The following TMEM178B variants were observed in gnomAD, a reference collection of about 807,000 sequenced individuals.
The protein encoded by TMEM178B is transmembrane protein 178B.
TMEM178B carries 5 observed loss-of-function variants against 31.0 expected under a neutral mutation model. That is an observed-to-expected ratio of 0.16 (90% confidence interval 0.08 to 0.34). The LOEUF is 0.34. Among genes scored for constraint, TMEM178B ranks in the 10% least tolerant of loss-of-function variants. The pLI is 1.00. For missense variants in TMEM178B, 275 were observed against 400.3 expected (o/e 0.69, Z 2.67); for synonymous variants, 164 against 164.0 (o/e 1.00, Z 0.00).
chr7:141,249,030 T>C (rs1461729778), intron 2 of TMEM178B, among the ~76,000 whole-genome samples: 1 of 152,188 alleles, frequency 6.6e-6, no homozygotes, highest in Non-Finnish European at 1.5e-5. Context: ...CTGCAGATAA[T>C]GTGGGCTGTT....
At chr7:141,235,861 C>A (rs1458736320) in intron 2 of TMEM178B, among the ~76,000 whole-genome samples, 4 of 152,196 alleles carry the variant, frequency 2.6e-5, no homozygotes, top group Admixed American at 6.5e-5. Flanking sequence ...TTGAATCTTA[C>A]AATCTCCCCT....
chr7:141,384,627 T>A (rs918469039), intron 2 of TMEM178B, among the ~76,000 whole-genome samples: 12 of 152,244 alleles, frequency 7.9e-5, no homozygotes, highest in Non-Finnish European at 1.5e-4. Context: ...AGCCTTGCAG[T>A]ACAGTTTGAA....
chr7:141,302,733 TC>T (rs1458144823), intron 2 of TMEM178B, among the ~76,000 whole-genome samples: 2 of 152,180 alleles, frequency 1.3e-5, no homozygotes, highest in Non-Finnish European at 2.9e-5. Flanking sequence ...TCTACTACTG[TC>T]CCACTCCAGT....
intron 2 of TMEM178B, among the ~76,000 whole-genome samples, chr7:141,356,815 C>T (rs1799827658): frequency 6.6e-6 from 1 of 151,982 alleles, no homozygotes; most frequent in Non-Finnish European, 1.5e-5. Flanking sequence ...GCACTATGAC[C>T]TCATACCATC....
chr7:141,159,652 C>T (rs961345653), intron 1 of TMEM178B, among the ~76,000 whole-genome samples: 10 of 152,188 alleles, frequency 6.6e-5, no homozygotes, highest in Non-Finnish European at 1.3e-4. Context: ...CACGCTACAA[C>T]ACGGATGAAC....
intron 3 of TMEM178B, among the ~76,000 whole-genome samples, chr7:141,446,300 G>C (rs1181758): frequency 5.9e-5 from 9 of 152,070 alleles, no homozygotes; most frequent in Non-Finnish European, 8.8e-5. Flanking sequence ...GCCTTATCCA[G>C]ATGAATCCAA....
intron 2 of TMEM178B, among the ~76,000 whole-genome samples, chr7:141,230,022 C>T (rs1338569745): frequency 6.6e-6 from 1 of 152,108 alleles, no homozygotes; most frequent in African/African-American, 2.4e-5. Context: ...AGCATTTTCC[C>T]TTGTCATCAA....
chr7:141,112,680 C>T (rs1475435677), intron 1 of TMEM178B, among the ~76,000 whole-genome samples: 1 of 152,206 alleles, frequency 6.6e-6, no homozygotes, highest in Non-Finnish European at 1.5e-5. Flanking sequence ...TCCATCATCT[C>T]CAGGCATGTG....
intron 2 of TMEM178B, among the ~76,000 whole-genome samples, chr7:141,336,371 G>A (rs1799388077): frequency 6.6e-6 from 1 of 152,152 alleles, no homozygotes; most frequent in Non-Finnish European, 1.5e-5. Flanking sequence ...GACCAGGCGT[G>A]GGAAATGCTG....
At chr7:141,436,256 G>T (rs573800594) in intron 2 of TMEM178B, among the ~76,000 whole-genome samples, 19 of 152,290 alleles carry the variant, frequency 1.2e-4, no homozygotes, top group African/African-American at 4.6e-4. Context: ...GACCTGTGGG[G>T]TGTTTGTTTC....
In TMEM178B at chr7:141,463,691, G is replaced by GA. The variant is rs1217942794; in HGVS notation, c.635-6843dup. Reference sequence around the variant, plus strand: ...AACTGAGATCTGAGCAGAGCTGGAAGAAGGCCCTTCTGGGCATGGGAACAG... The same window carrying GA: ...AACTGAGATCTGAGCAGAGCTGGAAGAAAGGCCCTTCTGGGCATGGGAACAG... On this transcript the variant is annotated intron_variant, in intron 3 of 3. Coordinates refer to ENST00000565468, the MANE Select transcript of TMEM178B (RefSeq NM_001195278.2). 3.3e-5 allele frequency among the ~76,000 whole-genome samples: 5 copies of GA among 152,340 alleles called. No homozygotes were observed. The East Asian group carries it at 9.7e-4, about 30-fold the overall frequency.
intron 2 of TMEM178B, among the ~76,000 whole-genome samples, chr7:141,398,109 C>T (rs771642141): frequency 6.8e-4 from 103 of 152,130 alleles, no homozygotes; most frequent in Admixed American, 6.5e-4. Flanking sequence ...GTGTGTACAG[C>T]TCAACTTTCT....
intron 2 of TMEM178B, among the ~76,000 whole-genome samples, chr7:141,241,730 C>T (rs1283937785): frequency 6.6e-6 from 1 of 152,094 alleles, no homozygotes; most frequent in African/African-American, 2.4e-5. Context: ...CAGAATAGGC[C>T]TGGCTAGTTG....
intron 2 of TMEM178B, among the ~76,000 whole-genome samples, chr7:141,331,111 A>G (rs1251977639): frequency 2.6e-5 from 4 of 152,200 alleles, no homozygotes; most frequent in East Asian, 1.9e-4. Flanking sequence ...TGGCGTGCCT[A>G]TTGGCTATTC....
intron 1 of TMEM178B, among the ~76,000 whole-genome samples, chr7:141,129,843 G>T (rs1412903158): frequency 6.6e-6 from 1 of 152,170 alleles, no homozygotes; most frequent in East Asian, 1.9e-4. Flanking sequence ...ATAATTCAAA[G>T]GGTGAGGGGC....
At chr7:141,383,473 G>GT (rs1413571675) in intron 2 of TMEM178B, among the ~76,000 whole-genome samples, 2 of 151,606 alleles carry the variant, frequency 1.3e-5, no homozygotes, top group East Asian at 3.9e-4. Context: ...GCAATGTTCG[G>GT]TTTTTTGTCC....
chr7:141,252,419 G>A (rs1380836089), intron 2 of TMEM178B, among the ~76,000 whole-genome samples: 5 of 152,186 alleles, frequency 3.3e-5, no homozygotes, highest in African/African-American at 9.7e-5. Context: ...CAAAAGAAAC[G>A]AGGGAGGCAT....
At chr7:141,405,038 T>C (rs908083558) in intron 2 of TMEM178B, among the ~76,000 whole-genome samples, 10 of 152,204 alleles carry the variant, frequency 6.6e-5, no homozygotes, top group Non-Finnish European at 4.4e-5. Flanking sequence ...CTCTCCTACA[T>C]CAGCACAGGC....
chr7:141,096,144 G>T (rs1007123228), intron 1 of TMEM178B, among the ~76,000 whole-genome samples: 1 of 152,188 alleles, frequency 6.6e-6, no homozygotes. Context: ...ATATTTAATA[G>T]AGTAGTATTC....
Sources: gnomAD v4.1 joint callset for allele counts (sites outside exome capture counted in the v4.1 genomes callset) on GRCh38, gnomAD v4.1.1 for gene constraint, MANE v1.5 for transcripts, NCBI Gene and HGNC (gene_info 2026-07-23, HGNC 2026-07-21) for gene names.